SPATA22: variants seen among roughly 807,000 people sequenced by gnomAD.
SPATA22 encodes the protein spermatogenesis associated 22.
In SPATA22, 29 loss-of-function variants were observed where a neutral mutation model predicts 47.8. The ratio of observed to expected loss-of-function variants is 0.61; its 90% CI spans 0.45 to 0.83. The LOEUF is 0.83. Among genes scored for constraint, SPATA22 ranks in the 40% least tolerant of loss-of-function variants. SPATA22 has a pLI of 0.00. For synonymous variants in SPATA22, 133 were observed against 140.9 expected, an observed-to-expected ratio of 0.94 and a Z score of 0.40; for missense variants, 410 against 421.7, an observed-to-expected ratio of 0.97 and a Z score of 0.24.
chr17:3,450,492 C>G (rs971794286), intron 5 of SPATA22, among the ~76,000 whole-genome samples: 2 of 152,166 alleles, frequency 1.3e-5, no homozygotes, highest in African/African-American at 2.4e-5. Context: ...TTTTCCTACA[C>G]TGATCACTTC....
chr17:3,449,302 C>T (rs1296427167), intron 5 of SPATA22, among the ~76,000 whole-genome samples, 153 bp from the exon 6 acceptor site: 2 of 152,070 alleles, frequency 1.3e-5, no homozygotes, highest in Admixed American at 1.3e-4. Flanking sequence ...CACAACAACC[C>T]TACAATGTTG....
At position 3,483,553 on chromosome 17, in the gene SPATA22, A is replaced by C. The variant is rs755639531; in HGVS notation, c.-73-14155T>G. 3.7e-6 allele frequency: 6 copies of C among 1,614,098 alleles called. No individual in the cohort carries two copies. The highest frequency in any genetic ancestry group is 4.2e-6 in the Non-Finnish European group (5 of 1,179,990). ...TTATCTGATTGAGCATCCTTCCCTC[A>C]AATATGCGACCACTCGTTCCATAGC... On this transcript the variant is annotated intron_variant, in intron 1 of 8. Coordinates refer to the SPATA22 transcript ENST00000541913.
upstream of SPATA22, chr17:3,473,956 C>T (rs886151846): frequency 1.3e-5 from 2 of 152,126 alleles, no homozygotes; most frequent in Admixed American, 6.6e-5. Context: ...GGTTTCACTT[C>T]GTATACTATC....
At chr17:3,492,191 T>C (rs1455078363) in intron 1 of SPATA22, among the ~76,000 whole-genome samples, 2 of 152,212 alleles carry the variant, frequency 1.3e-5, no homozygotes, top group African/African-American at 4.8e-5. Context: ...AGAAATTTCT[T>C]ATTAAAAAAG....
chr17:3,464,727 G>A (rs2073236927), intron 3 of SPATA22, among the ~76,000 whole-genome samples: 1 of 149,330 alleles, frequency 6.7e-6, no homozygotes, highest in African/African-American at 2.5e-5. Context: ...TGAGAAGGGA[G>A]GAGACCCTCC....
At chr17:3,443,596 T>C (rs2072645767) in intron 7 of SPATA22, among the ~76,000 whole-genome samples, 1 of 151,980 alleles carries the variant, frequency 6.6e-6, no homozygotes. Flanking sequence ...AACATTATAA[T>C]AATAAAATGC....
chr17:3,493,458 G>A (rs1451490719), intron 1 of SPATA22, among the ~76,000 whole-genome samples: 1 of 151,258 alleles, frequency 6.6e-6, no homozygotes, highest in Admixed American at 6.6e-5. Context: ...CTACTCAGGA[G>A]GCTGAGGCAG....
In SPATA22 at chr17:3,490,522, C is replaced by G. The variant is rs2073806795; in HGVS notation, c.-73-21124G>C. 6.8e-6 allele frequency among the ~76,000 whole-genome samples: 1 copy of G among 147,592 alleles called. No individual in the cohort carries two copies. The highest frequency in any genetic ancestry group is 2.5e-5 in the African/African-American group (1 of 40,446). ...CTTCGGTGTCTGTGGGGAGTGAATT[C>G]CTCAACCTCAGATCGTGCGCACCCC... On this transcript the variant is annotated intron_variant, in intron 1 of 8. Coordinates refer to the SPATA22 transcript ENST00000541913. The surrounding 1 kb of genome is among the most constrained non-coding windows in gnomAD (Gnocchi z 4.6).
chr17:3,492,021 C>A (rs1021416440), intron 1 of SPATA22, among the ~76,000 whole-genome samples: 1 of 151,754 alleles, frequency 6.6e-6, no homozygotes, highest in Admixed American at 6.6e-5. Context: ...GGACTACAGG[C>A]GTGCACCACC....
intron 1 of SPATA22, among the ~76,000 whole-genome samples, chr17:3,470,093 C>CAAAAAAAAAAAAAA (rs57432043): frequency 1.8e-5 from 1 of 54,302 alleles, no homozygotes; most frequent in African/African-American, 7.2e-5. Context: ...GACTCCATCT[C>CAAAAAAAAAAAAAA]AAAAAAAAAA....
At chr17:3,508,744 C>T (rs1446677087) in intron 1 of SPATA22, among the ~76,000 whole-genome samples, 7 of 93,032 alleles carry the variant, frequency 7.5e-5, no homozygotes, top group African/African-American at 3.2e-4. Context: ...ACTCTGGGGA[C>T]TGTTGTGGGG....
At chr17:3,495,093 A>G (rs190184621) in intron 1 of SPATA22, among the ~76,000 whole-genome samples, 161 of 149,148 alleles carry the variant, frequency 1.1e-3, no homozygotes, top group African/African-American at 3.7e-3. Flanking sequence ...GTGAAGAAGG[A>G]AAAAAAAAAG....
intron 1 of SPATA22, among the ~76,000 whole-genome samples, chr17:3,478,619 C>T (rs987149290): frequency 6.6e-6 from 1 of 152,114 alleles, no homozygotes; most frequent in Non-Finnish European, 1.5e-5. Context: ...TATGAGCACC[C>T]AGTAGTATGC....
At chr17:3,493,672 G>C (rs754299442) in intron 1 of SPATA22, among the ~76,000 whole-genome samples, 1 of 151,874 alleles carries the variant, frequency 6.6e-6, no homozygotes, top group Non-Finnish European at 1.5e-5. Context: ...TAGCTGGAAG[G>C]GTCCTCCAAG....
rs149842031 is a variant in SPATA22 at position 3,494,418 on chromosome 17, G to A, written c.-74+18994C>T. 1,463 of 1,612,546 alleles carry A rather than the reference G, an allele frequency of 9.1e-4. 19 individuals carry two copies. The African/African-American group carries it at 0.017, about 19-fold the overall frequency. The stretch of plus-strand genomic sequence containing the variant: ...AGAGAAAGTTGATTACCCCCGGGAT[G>A]AAAATGGAGAAATTGCTGCTATCAT... On this transcript the variant is annotated intron_variant, in intron 1 of 8. Coordinates refer to the SPATA22 transcript ENST00000541913.
chr17:3,443,257 C>A lies in SPATA22; in HGVS notation c.817G>T (p.Ala273Ser). Residue 273 changes from alanine (A) to serine (S), a missense_variant, in exon 8 of 9, where the codon GCT becomes TCT. Ala to Ser is a moderately conservative substitution (Grantham distance 99, BLOSUM62 1). Transcript: ENST00000572969. Reference sequence around the variant, plus strand: ...GAATAATATGGGCCAGGTGTAACAGCTGAATCAAGAACAGCTAAGCAATAT... The same window carrying A: ...GAATAATATGGGCCAGGTGTAACAGATGAATCAAGAACAGCTAAGCAATAT... ...LFEVLAVLDSAVTPGPYYSKT... is the reference protein window; with the variant it reads ...LFEVLAVLDSSVTPGPYYSKT... 1.9e-6 allele frequency: 3 copies of A among 1,608,392 alleles called. No homozygotes were observed. Among genetic ancestry groups the A allele is most frequent in the Non-Finnish European group, 2.5e-6 (3 of 1,177,128 alleles).
chr17:3,456,711 A>G (rs1244877740), intron 5 of SPATA22, among the ~76,000 whole-genome samples: 2 of 152,030 alleles, frequency 1.3e-5, no homozygotes, highest in Non-Finnish European at 2.9e-5. Context: ...GGCCAGCATC[A>G]TCCCGATACC....
intron 3 of SPATA22, among the ~76,000 whole-genome samples, chr17:3,464,403 C>T (rs1171649091): frequency 7.7e-6 from 1 of 129,436 alleles, no homozygotes; most frequent in Non-Finnish European, 1.9e-5. Context: ...GGCCGCCACC[C>T]CGTCTGGGAA....
intron 1 of SPATA22, among the ~76,000 whole-genome samples, chr17:3,471,266 T>C (rs1326365656): frequency 6.6e-6 from 1 of 152,198 alleles, no homozygotes; most frequent in African/African-American, 2.4e-5. Flanking sequence ...ACAGGGATTC[T>C]GCCACTTTCT....
Sources: gnomAD v4.1 joint callset for allele counts (sites outside exome capture counted in the v4.1 genomes callset) on GRCh38, gnomAD v4.1.1 for gene constraint, Gnocchi (gnomAD v3.1) non-coding constraint, MANE v1.5 for transcripts, NCBI Gene and HGNC (gene_info 2026-07-23, HGNC 2026-07-21) for gene names.